Variants in NAV2 observed in about 807,000 individuals in gnomAD.
The protein encoded by NAV2 is neuron navigator 2.
Under a neutral mutation model 223.2 loss-of-function variants are expected in NAV2, and 54 were observed. That is an observed-to-expected ratio of 0.24 (90% CI 0.19 to 0.30). NAV2 has a LOEUF of 0.30. NAV2 is among the 10% of genes least tolerant of loss of function. The pLI, the probability that NAV2 is intolerant of heterozygous loss-of-function variation, is 1.00. For synonymous variants in NAV2, 1,279 were observed against 1,239.3 expected (o/e 1.03, Z -0.67); for missense variants, 2,806 against 3,147.5 (o/e 0.89, Z 2.60).
rs1424210570 is a variant in NAV2, at chr11:19,387,341, G to A, written c.75+36314G>A. On this transcript the variant is annotated intron_variant, in intron 1 of 37. Transcript: ENST00000360655. ...AGGATGACAGCTCTAAAGAAAAGGA[G>A]GTAGTTAGGATGCAATGGCATTCCG... Among the ~76,000 whole-genome samples, 3 of 152,074 alleles carry A rather than the reference G, an allele frequency of 2.0e-5. No homozygotes were observed. The East Asian group carries it at 5.8e-4, about 29-fold the overall frequency.
At chr11:20,068,554 C>T (rs891890552) in intron 22 of NAV2, among the ~76,000 whole-genome samples, 156 bp downstream of exon 22, 2 of 152,192 alleles carry the variant, frequency 1.3e-5, no homozygotes, top group African/African-American at 2.4e-5. Flanking sequence ...TCAGTTTGGA[C>T]ACTTACTGGC....
chr11:19,372,118 T>A (rs1848491219), intron 1 of NAV2, among the ~76,000 whole-genome samples: 1 of 152,150 alleles, frequency 6.6e-6, no homozygotes, highest in Non-Finnish European at 1.5e-5. Context: ...ACTAACCCTG[T>A]TGGTAAGGAA....
intron 6 of NAV2, among the ~76,000 whole-genome samples, chr11:19,918,063 T>G (rs1038752182): frequency 6.6e-6 from 1 of 152,258 alleles, no homozygotes; most frequent in Non-Finnish European, 1.5e-5. Context: ...AGCCTGAATT[T>G]ACTGTTGTGT....
chr11:19,811,971 G>C (rs1196592232), intron 1 of NAV2, among the ~76,000 whole-genome samples: 2 of 152,090 alleles, frequency 1.3e-5, no homozygotes, highest in African/African-American at 2.4e-5. Context: ...TGGCTTAGTG[G>C]TTCCCAGACT....
chr11:20,095,255 A>G (rs1003500345), intron 29 of NAV2, among the ~76,000 whole-genome samples: 1 of 152,208 alleles, frequency 6.6e-6, no homozygotes, highest in Non-Finnish European at 1.5e-5. Flanking sequence ...TACGTACAGA[A>G]TTGCCGAAGC....
chr11:19,582,882 A>AC (rs2045768034), intron 1 of NAV2, among the ~76,000 whole-genome samples: 1 of 152,124 alleles, frequency 6.6e-6, no homozygotes, highest in Admixed American at 6.5e-5. Flanking sequence ...TTCCATATGA[A>AC]CTTTAAAGTA....
At chr11:19,881,437 G>T (rs1334689792) in intron 5 of NAV2, among the ~76,000 whole-genome samples, 2 of 152,066 alleles carry the variant, frequency 1.3e-5, no homozygotes, top group African/African-American at 4.8e-5. Context: ...AATGATCAGG[G>T]TGTCATTTCC....
Position 19,939,703 on chromosome 11 carries a change from CT to C in NAV2, c.2077del (p.Ser693GlnfsTer4). On this transcript the variant is annotated frameshift_variant, in exon 8 of 38. Transcript: ENST00000349880. LOFTEE classifies it high-confidence loss of function. ...AAGGGAATGTTACTGCCGAGTCAAG[CT>C]CAACAGGTGTGAGCGTGGAGCCCAG... ...TEGNVTAESS[S>X]TGVSVEPSHF... 1 of 1,614,140 alleles carries C rather than the reference CT, an allele frequency of 6.2e-7. No individual in the cohort carries two copies. The highest frequency in any genetic ancestry group is 8.5e-7 in the Non-Finnish European group (1 of 1,180,018).
chr11:19,760,330 TATAAG>T (rs2152538216), intron 1 of NAV2, among the ~76,000 whole-genome samples: 1 of 152,320 alleles, frequency 6.6e-6, no homozygotes, highest in East Asian at 1.9e-4. Context: ...CCAGTAGGTT[TATAAG>T]ATGACAATTG....
chr11:19,797,819 G>T (rs1411201280), intron 1 of NAV2, among the ~76,000 whole-genome samples: 1 of 152,094 alleles, frequency 6.6e-6, no homozygotes, highest in East Asian at 1.9e-4. Flanking sequence ...GGATAACAGT[G>T]GCCCTCCTCA....
intron 1 of NAV2, among the ~76,000 whole-genome samples, chr11:19,808,671 T>G (rs2058701501): frequency 6.6e-6 from 1 of 152,232 alleles, no homozygotes; most frequent in South Asian, 2.1e-4. Context: ...TATTAATAGT[T>G]GGTACAATTA....
At chr11:19,483,047 G>C (rs1180702228) in intron 1 of NAV2, among the ~76,000 whole-genome samples, 2 of 151,988 alleles carry the variant, frequency 1.3e-5, no homozygotes, top group African/African-American at 4.8e-5. Context: ...TCCATTTATT[G>C]AGCCAAGCTT....
intron 1 of NAV2, among the ~76,000 whole-genome samples, chr11:19,592,481 T>A (rs909418760): frequency 2.0e-5 from 3 of 152,074 alleles, no homozygotes; most frequent in Non-Finnish European, 4.4e-5. Context: ...GAATTTGAAT[T>A]ATATTTTTGT....
intron 1 of NAV2, among the ~76,000 whole-genome samples, chr11:19,647,598 C>A (rs1353855960): frequency 6.6e-6 from 1 of 152,104 alleles, no homozygotes; most frequent in Non-Finnish European, 1.5e-5. Context: ...ATGGGAGTAG[C>A]AGCACTTGCA....
At chr11:19,890,089 A>G (rs1262573496) in intron 5 of NAV2, among the ~76,000 whole-genome samples, 1 of 152,244 alleles carries the variant, frequency 6.6e-6, no homozygotes, top group East Asian at 1.9e-4. Flanking sequence ...GTGGCTGGAC[A>G]TTAAGCCATT....
At chr11:19,560,894 A>G (rs75999209) in intron 1 of NAV2, among the ~76,000 whole-genome samples, 2,192 of 152,208 alleles carry the variant, frequency 0.014, 56 homozygotes, top group African/African-American at 0.049. Context: ...AGTTTGAGAA[A>G]CTCTGGGTTA....
At chr11:19,977,620 ATGTGTTTCCT>A (rs758926724) in intron 10 of NAV2, among the ~76,000 whole-genome samples, 1 of 152,088 alleles carries the variant, frequency 6.6e-6, no homozygotes, top group African/African-American at 2.4e-5. Context: ...AGTGGTTTCC[ATGTGTTTCCT>A]TAGCAAAATT....
intron 6 of NAV2, among the ~76,000 whole-genome samples, chr11:19,914,592 C>T (rs1398153420): frequency 3.3e-5 from 5 of 150,492 alleles, no homozygotes; most frequent in South Asian, 4.2e-4. Context: ...GGCCGGACTG[C>T]GGACTGCAGT....
chr11:20,032,507 C>T (rs2055879551), intron 11 of NAV2, among the ~76,000 whole-genome samples: 2 of 152,192 alleles, frequency 1.3e-5, no homozygotes, highest in South Asian at 4.1e-4. Context: ...CTCTTTCCTC[C>T]CTGCCAGCCA....
Sources: allele counts gnomAD v4.1 joint callset (sites outside exome capture counted in the v4.1 genomes callset), GRCh38; gene constraint gnomAD v4.1.1; transcripts MANE v1.5; gene names NCBI Gene and HGNC (gene_info 2026-07-23, HGNC 2026-07-21).